The following MORC1 variants were observed in gnomAD, a reference collection of about 807,000 sequenced individuals.
MORC1 encodes MORC family CW-type zinc finger protein 1.
A neutral mutation model predicts 134.9 loss-of-function variants in MORC1; 59 were observed. The ratio of observed to expected loss-of-function variants is 0.44; its 90% CI spans 0.35 to 0.54. The LOEUF is 0.54. Among genes scored for constraint, MORC1 ranks in the 20% least tolerant of loss-of-function variants. The probability of loss-of-function intolerance (pLI) is 0.00; values close to 1 mark genes in which losing one functional copy is unlikely to be tolerated. For synonymous variants in MORC1, 395 were observed against 391.7 expected, an observed-to-expected ratio of 1.01 and a Z score of -0.10; for missense variants, 947 against 1,134.5, an observed-to-expected ratio of 0.83 and a Z score of 2.37.
At chr3:109,108,189 G>A (rs556297339) in intron 3 of MORC1, among the ~76,000 whole-genome samples, 4 of 151,256 alleles carry the variant, frequency 2.6e-5, no homozygotes, top group African/African-American at 4.8e-5. Context: ...ACTCCATCTC[G>A]AAAAAAAAGG....
chr3:108,964,737 CATGAG>C (rs1335999620), intron 26 of MORC1, among the ~76,000 whole-genome samples: 1 of 152,160 alleles, frequency 6.6e-6, no homozygotes, highest in Non-Finnish European at 1.5e-5. Context: ...TAGTTCACAG[CATGAG>C]ATAATACAAA....
At chr3:109,052,270 G>T (rs1949847577) in intron 14 of MORC1, among the ~76,000 whole-genome samples, 1 of 150,168 alleles carries the variant, frequency 6.7e-6, no homozygotes, top group Non-Finnish European at 1.5e-5. Flanking sequence ...ACATGTCTCT[G>T]AAAAAAAAAT....
chr3:108,992,824 T>G lies in MORC1; in HGVS notation c.2188-5875A>C, dbSNP rs546083328. ...TCTATCTTCCACATAAGCTCACTCT[T>G]TAAGCTCTCTTTTTCCACAAAGAAA... is the stretch of plus-strand genomic sequence containing the variant. On this transcript the variant is annotated intron_variant, in intron 21 of 27. Transcript: ENST00000232603. Among the ~76,000 whole-genome samples the G allele has an allele frequency of 2.6e-5, 4 of 152,264 alleles. No individual in the cohort carries two copies. The East Asian group carries it at 7.7e-4, about 29-fold the overall frequency.
chr3:108,987,120 A>G (rs1303196269), intron 21 of MORC1, among the ~76,000 whole-genome samples, 171 bp from the exon 22 acceptor site: 7 of 152,196 alleles, frequency 4.6e-5, no homozygotes, highest in Non-Finnish European at 1.0e-4. Flanking sequence ...ACAAAACGAT[A>G]ATCGCATAAA....
At chr3:108,993,915 A>G (rs1363570207) in intron 21 of MORC1, among the ~76,000 whole-genome samples, 1 of 152,188 alleles carries the variant, frequency 6.6e-6, no homozygotes, top group African/African-American at 2.4e-5. Flanking sequence ...TGGCCACCAT[A>G]AAACATAAAC....
At chr3:109,066,668 C>T (rs529666134) in intron 9 of MORC1, among the ~76,000 whole-genome samples, 1 of 152,338 alleles carries the variant, frequency 6.6e-6, no homozygotes, top group Admixed American at 6.5e-5. Context: ...CATCCACTTG[C>T]TCTTACGCAT....
At chr3:108,959,566 C>T (rs1393403845) in intron 27 of MORC1, among the ~76,000 whole-genome samples, 1 of 152,096 alleles carries the variant, frequency 6.6e-6, no homozygotes, top group African/African-American at 2.4e-5. Flanking sequence ...GGCTTACTAC[C>T]CTGGTCTGTC....
chr3:109,102,494 C>T (rs1950947944), intron 4 of MORC1, among the ~76,000 whole-genome samples: 1 of 152,004 alleles, frequency 6.6e-6, no homozygotes, highest in Non-Finnish European at 1.5e-5. Flanking sequence ...TTTTTAAAAA[C>T]CCGGAAAGTA....
intron 8 of MORC1, among the ~76,000 whole-genome samples, chr3:109,086,280 T>A (rs763064070): frequency 6.6e-6 from 1 of 152,062 alleles, no homozygotes; most frequent in African/African-American, 2.4e-5. Context: ...TTTAAGGGGA[T>A]GAATATCCCA....
In MORC1 at chr3:108,979,675, T is replaced by C. The variant is rs1693521957; in HGVS notation, c.2325-8A>G. ...ATCGGCACATTGAGCAAGCTGAGGT[T>C]TGTCATTTCAAAGTAGAAATCATGT... On this transcript the variant is annotated splice_polypyrimidine_tract_variant and splice_region_variant and intron_variant, in intron 23 of 27. Transcript: ENST00000232603. 1.2e-6 allele frequency: 2 copies of C among 1,610,622 alleles called. No individual in the cohort carries two copies.
rs139869598 is a variant in MORC1, at chr3:109,073,492, C to G, written c.690-3735G>C. ...GGTTGCCACAAAGAGGGGAGGAGAA[C>G]AGTCTCTCACAGGTGTTTGGACCTA... On this transcript the variant is annotated intron_variant, in intron 8 of 27. Transcript: ENST00000232603. Among the ~76,000 whole-genome samples the G allele has an allele frequency of 3.2e-3, 494 of 152,262 alleles. 8 individuals carry two copies. Among genetic ancestry groups the G allele is most frequent in the East Asian group, 0.021 (110 of 5,166 alleles).
At chr3:109,068,442 G>T (rs1483077147) in intron 9 of MORC1, among the ~76,000 whole-genome samples, 1 of 152,148 alleles carries the variant, frequency 6.6e-6, no homozygotes, top group Non-Finnish European at 1.5e-5. Context: ...CCACATATCA[G>T]TGAGAACATA....
chr3:109,022,630 T>A (rs1269472408), intron 17 of MORC1, among the ~76,000 whole-genome samples: 1 of 152,322 alleles, frequency 6.6e-6, no homozygotes, highest in East Asian at 1.9e-4. Context: ...ATACAACAGT[T>A]TATTGTGACC....
intron 26 of MORC1, among the ~76,000 whole-genome samples, chr3:108,968,330 C>T (rs1239551265): frequency 1.3e-5 from 2 of 152,110 alleles, no homozygotes; most frequent in African/African-American, 4.8e-5. Context: ...TGTTTATCAC[C>T]GTCCAGTTGA....
chr3:109,067,961 T>A (rs1200966887), intron 9 of MORC1, among the ~76,000 whole-genome samples: 2 of 152,152 alleles, frequency 1.3e-5, no homozygotes, highest in African/African-American at 4.8e-5. Flanking sequence ...AATAAAGAGT[T>A]AATGTGGTAT....
intron 27 of MORC1, among the ~76,000 whole-genome samples, chr3:108,961,753 A>G (rs1040676104): frequency 1.3e-5 from 2 of 152,216 alleles, no homozygotes; most frequent in Non-Finnish European, 2.9e-5. Flanking sequence ...AGCAAATTAA[A>G]TTAGTATGGT....
At chr3:108,990,938 A>G (rs1480988768) in intron 21 of MORC1, among the ~76,000 whole-genome samples, 1 of 147,012 alleles carries the variant, frequency 6.8e-6, no homozygotes, top group Non-Finnish European at 1.5e-5. Flanking sequence ...CAACTGTATT[A>G]TTTTTCTTCA....
intron 6 of MORC1, among the ~76,000 whole-genome samples, chr3:109,095,501 G>A (rs566032897): frequency 3.3e-5 from 5 of 152,214 alleles, no homozygotes; most frequent in African/African-American, 1.2e-4. Context: ...TTGGGGTAGG[G>A]GGAGAAGAGA....
Position 109,040,427 on chromosome 3 carries a change from G to GGAAAGAAA in MORC1, c.1331-4967_1331-4960dup, listed in dbSNP as rs1214249386. Among the ~76,000 whole-genome samples the GGAAAGAAA allele has an allele frequency of 2.6e-3, 127 of 48,388 alleles. 6 individuals are homozygous for GGAAAGAAA. The highest frequency in any genetic ancestry group is 7.0e-3 in the African/African-American group (107 of 15,200). 31.7% of individuals were successfully genotyped at this position (48,388 alleles called of 152,430 possible). A position where few individuals can be genotyped will look rare whatever the true frequency, so the allele number is the denominator to read the frequency against. On this transcript the variant is annotated intron_variant, in intron 14 of 27. Coordinates refer to ENST00000232603, the MANE Select transcript of MORC1 (RefSeq NM_014429.4). ...GAGAAGGAAGGAAGGAAGGAAGGAA[G>GGAAAGAAA]GAAAGAAAGAAAGAAAGAAAGAAAG... is the stretch of plus-strand genomic sequence containing the variant.
Sources: gnomAD v4.1 joint callset for allele counts (sites outside exome capture counted in the v4.1 genomes callset) on GRCh38, gnomAD v4.1.1 for gene constraint, MANE v1.5 for transcripts, NCBI Gene and HGNC (gene_info 2026-07-23, HGNC 2026-07-21) for gene names.